Variants in CELSR1 observed in about 807,000 individuals in gnomAD.
CELSR1 encodes the protein cadherin EGF LAG seven-pass G-type receptor 1.
CELSR1 carries 110 observed loss-of-function variants against 249.1 expected under a neutral mutation model. The ratio of observed to expected loss-of-function variants is 0.44; its 90% CI spans 0.38 to 0.52. The LOEUF is 0.52. CELSR1 is among the 20% of genes least tolerant of loss of function. CELSR1 has a pLI of 0.00. For missense variants in CELSR1, 4,109 were observed against 4,296.4 expected, an observed-to-expected ratio of 0.96 and a Z score of 1.22; for synonymous variants, 2,113 against 1,900.0, an observed-to-expected ratio of 1.11 and a Z score of -2.92.
intron 1 of CELSR1, among the ~76,000 whole-genome samples, chr22:46,495,895 A>C (rs1294648315): frequency 1.3e-5 from 2 of 149,104 alleles, no homozygotes; most frequent in Non-Finnish European, 3.0e-5. Flanking sequence ...TAAAGTTTTT[A>C]ATTTAAAAAA....
At chr22:46,400,135 G>T (rs2079195649) in intron 9 of CELSR1, among the ~76,000 whole-genome samples, 1 of 152,094 alleles carries the variant, frequency 6.6e-6, no homozygotes, top group Admixed American at 6.6e-5. Context: ...TTCGTGACCA[G>T]CCTGGCCAAC....
intron 17 of CELSR1, among the ~76,000 whole-genome samples, chr22:46,389,749 C>G (rs1319293219): frequency 6.6e-6 from 1 of 151,812 alleles, no homozygotes; most frequent in African/African-American, 2.4e-5. Context: ...AAACCCGTCT[C>G]TACTCTCTAT....
intron 1 of CELSR1, among the ~76,000 whole-genome samples, chr22:46,470,899 C>A (rs2080149154): frequency 6.6e-6 from 1 of 152,032 alleles, no homozygotes; most frequent in Non-Finnish European, 1.5e-5. Flanking sequence ...CCGAGGTGGG[C>A]GGATCACCAG....
chr22:46,467,593 C>A (rs1602178861), intron 1 of CELSR1, among the ~76,000 whole-genome samples: 1 of 151,774 alleles, frequency 6.6e-6, no homozygotes, highest in Non-Finnish European at 1.5e-5. Context: ...GAGGCTGAGG[C>A]GGGCAGATCA....
intron 1 of CELSR1, among the ~76,000 whole-genome samples, chr22:46,505,295 T>C (rs998544317): frequency 1.5e-5 from 2 of 133,638 alleles, no homozygotes; most frequent in Non-Finnish European, 3.1e-5. Context: ...GCAAGGCAGG[T>C]CTTCATTTGC....
Position 46,409,289 on chromosome 22 carries a change from T to A in CELSR1, c.5060-127A>T. 1 of 934,308 alleles carries A rather than the reference T, an allele frequency of 1.1e-6. No homozygotes were observed. The highest frequency in any genetic ancestry group is 1.6e-6 in the Non-Finnish European group (1 of 638,148). The allele number at this position is 934,308 out of a possible 1,614,324, so 57.9% of individuals were successfully genotyped here. On this transcript the variant is annotated intron_variant, in intron 8 of 34. Coordinates refer to ENST00000674500, the MANE Select transcript of CELSR1 (RefSeq NM_001378328.1). This position sits in a 1 kb window ranked among gnomAD's most constrained non-coding sequence, Gnocchi z 9.8. ...TTTTTCACTTTAACACGAAGGTGGG[T>A]CTGAGCCTCCCCTCTGTGACGCATC...
chr22:46,436,171 C>A lies in CELSR1; in HGVS notation c.4522+3G>T, dbSNP rs1334014859. ...GCTGCCCTTCCTGGGGAGAAGGCCC[C>A]ACCTGCAGAGAAGGTGAGCTGCACC... On this transcript the variant is annotated splice_donor_region_variant and intron_variant, in intron 4 of 34. Transcript: ENST00000674500. This position sits in a 1 kb window ranked among gnomAD's most constrained non-coding sequence, Gnocchi z 5.9. 1 of 1,612,860 alleles carries A rather than the reference C, an allele frequency of 6.2e-7. No homozygotes were observed. Among genetic ancestry groups the A allele is most frequent in the Admixed American group, 1.7e-5 (1 of 60,018 alleles).
chr22:46,382,382 A>G (rs989960038), intron 20 of CELSR1, among the ~76,000 whole-genome samples: 21 of 152,016 alleles, frequency 1.4e-4, no homozygotes, highest in Non-Finnish European at 2.8e-4. Flanking sequence ...GGTTCACGCC[A>G]TTCTCCTGCC....
intron 1 of CELSR1, among the ~76,000 whole-genome samples, chr22:46,505,771 A>C (rs181783527): frequency 9.8e-5 from 15 of 152,354 alleles, no homozygotes; most frequent in Non-Finnish European, 1.2e-4. Flanking sequence ...TTGATTTGCT[A>C]CTTTATGCAC....
At chr22:46,524,808 C>T (rs1294180980) in intron 1 of CELSR1, among the ~76,000 whole-genome samples, 1 of 152,162 alleles carries the variant, frequency 6.6e-6, no homozygotes, top group Non-Finnish European at 1.5e-5. Flanking sequence ...CATCCCTTCA[C>T]CAGGGCGAGT....
In CELSR1 at chr22:46,401,252, C is replaced by T. The variant is rs1277276586; in HGVS notation, c.5227-1350G>A. Among the ~76,000 whole-genome samples the T allele has an allele frequency of 6.6e-6, 1 of 152,126 alleles. No individual in the cohort carries two copies. The highest frequency in any genetic ancestry group is 6.5e-5 in the Admixed American group (1 of 15,272). On this transcript the variant is annotated intron_variant, in intron 9 of 34. Transcript: ENST00000674500. This position sits in a 1 kb window ranked among gnomAD's most constrained non-coding sequence, Gnocchi z 4.7. Reference sequence around the variant, plus strand: ...TCAGCATTGCAACTGGCCTAAAACACTCATATTTTAAAATAAGGTAGGCCA... The same window carrying T: ...TCAGCATTGCAACTGGCCTAAAACATTCATATTTTAAAATAAGGTAGGCCA...
Position 46,381,483 on chromosome 22 carries a change from C to A in CELSR1, c.7088+363G>T, listed in dbSNP as rs1364238423. Reference sequence around the variant, plus strand: ...TTCCAGCCAGGACTAGCTGAGCAGACCTAACCCCGGGGCCAGCAGCAGGCA... The same window carrying A: ...TTCCAGCCAGGACTAGCTGAGCAGAACTAACCCCGGGGCCAGCAGCAGGCA... On this transcript the variant is annotated intron_variant, in intron 21 of 34. Transcript: ENST00000674500. The surrounding 1 kb of genome is among the most constrained non-coding windows in gnomAD (Gnocchi z 6.0). Among the ~76,000 whole-genome samples the A allele has an allele frequency of 6.6e-6, 1 of 152,188 alleles. No individual in the cohort carries two copies. Among genetic ancestry groups the A allele is most frequent in the African/African-American group, 2.4e-5 (1 of 41,446 alleles).
intron 9 of CELSR1, among the ~76,000 whole-genome samples, chr22:46,405,543 T>C (rs1469423980): frequency 5.3e-5 from 8 of 151,656 alleles, no homozygotes; most frequent in Admixed American, 1.3e-4. Flanking sequence ...AGATCAGTGA[T>C]AAAAGTGATG....
chr22:46,396,470 T>TA lies in CELSR1; in HGVS notation c.5843+134dup, dbSNP rs200473737. 8,235 of 917,640 alleles carry TA rather than the reference T, an allele frequency of 9.0e-3. 409 individuals carry two copies. In the African/African-American group the frequency reaches 0.12, roughly 14 times the overall value. The allele number at this position is 917,640 out of a possible 1,614,324, so 56.8% of individuals were successfully genotyped here. A position where few individuals can be genotyped will look rare whatever the true frequency, so the allele number is the denominator to read the frequency against. On this transcript the variant is annotated intron_variant, in intron 13 of 34. Transcript: ENST00000674500. The surrounding 1 kb of genome is among the most constrained non-coding windows in gnomAD (Gnocchi z 6.4). The stretch of plus-strand genomic sequence containing the variant: ...GATTTTCACTTAATTCATGCCAAAT[T>TA]AAAAAAAAATATGTCCCTGTTACCC...
chr22:46,394,974 G>C (rs2079132359), intron 13 of CELSR1, among the ~76,000 whole-genome samples: 1 of 152,156 alleles, frequency 6.6e-6, no homozygotes, highest in Admixed American at 6.5e-5. Flanking sequence ...TCACCTGAAG[G>C]CCCACCTGCC....
intron 2 of CELSR1, among the ~76,000 whole-genome samples, chr22:46,460,321 G>A (rs376162694): frequency 2.4e-4 from 37 of 152,330 alleles, no homozygotes; most frequent in African/African-American, 8.4e-4. Context: ...AGGCACCCAG[G>A]AAGCTTCAAG....
At chr22:46,525,509 C>T (rs906796281) in intron 1 of CELSR1, among the ~76,000 whole-genome samples, 3 of 151,524 alleles carry the variant, frequency 2.0e-5, no homozygotes, top group Admixed American at 1.3e-4. Flanking sequence ...GAATTTCATT[C>T]TAGGGAATTT....
chr22:46,391,356 T>G lies in CELSR1; in HGVS notation c.6149-69A>C. The G allele has an allele frequency of 7.3e-6, 10 of 1,374,640 alleles. No individual in the cohort carries two copies. The highest frequency in any genetic ancestry group is 1.0e-5 in the Non-Finnish European group (10 of 977,330). 85.2% of individuals were successfully genotyped at this position (1,374,640 alleles called of 1,614,324 possible). On this transcript the variant is annotated intron_variant, in intron 15 of 34. Transcript: ENST00000674500. The surrounding 1 kb of genome is among the most constrained non-coding windows in gnomAD (Gnocchi z 4.3). ...ACCCACGACCACAAACAGGCACCAC[T>G]GTCTGCATGCGCCTCCCTGCAGGAG...
Position 46,398,664 on chromosome 22 carries a change from TG to T in CELSR1, c.5413-28del. ...TGTGCGGAGAGAGGGGCCGGGGATC[TG>T]GGGGCTGCATCCACCATCCTAGAAA... On this transcript the variant is annotated intron_variant, in intron 10 of 34. Transcript: ENST00000674500. The surrounding 1 kb of genome is among the most constrained non-coding windows in gnomAD (Gnocchi z 7.2). The T allele has an allele frequency of 3.8e-6, 6 of 1,564,068 alleles. No homozygotes were observed. The highest frequency in any genetic ancestry group is 3.7e-5 in the Admixed American group (2 of 54,206).
Sources: gnomAD v4.1 joint callset for allele counts (sites outside exome capture counted in the v4.1 genomes callset) on GRCh38, gnomAD v4.1.1 for gene constraint, Gnocchi (gnomAD v3.1) non-coding constraint, MANE v1.5 for transcripts, NCBI Gene and HGNC (gene_info 2026-07-23, HGNC 2026-07-21) for gene names.